The following AK9 variants were observed in gnomAD, a reference collection of about 807,000 sequenced individuals.
AK9 encodes the protein adenylate kinase domain containing 1.
AK9 carries 191 observed loss-of-function variants against 239.6 expected under a neutral mutation model. The ratio of observed to expected loss-of-function variants is 0.80; its 90% CI spans 0.71 to 0.90. The LOEUF (loss-of-function observed/expected upper bound fraction) is 0.90. AK9 is among the 40% of genes least tolerant of loss of function. AK9 has a pLI of 0.00. For missense variants in AK9, 1,995 were observed against 2,214.7 expected (o/e 0.90, Z 1.99); for synonymous variants, 689 against 721.0 (o/e 0.96, Z 0.71).
chr6:109,638,849 T>C (rs1797039767), intron 10 of AK9, among the ~76,000 whole-genome samples: 1 of 152,126 alleles, frequency 6.6e-6, no homozygotes, highest in Non-Finnish European at 1.5e-5. Context: ...CCCCGCCCTG[T>C]GTCCAAATGT....
intron 32 of AK9, among the ~76,000 whole-genome samples, chr6:109,512,343 A>G (rs1778835163): frequency 6.6e-6 from 1 of 152,190 alleles, no homozygotes; most frequent in African/African-American, 2.4e-5. Context: ...CATATCATCA[A>G]TAAATAACCA....
At chr6:109,650,755 C>A (rs1276703667) in intron 8 of AK9, among the ~76,000 whole-genome samples, 1 of 152,234 alleles carries the variant, frequency 6.6e-6, no homozygotes, top group Non-Finnish European at 1.5e-5. Context: ...GATTATAAAT[C>A]ATGCTGCTAT....
chr6:109,571,977 A>G (rs1320581908), intron 21 of AK9, among the ~76,000 whole-genome samples: 1 of 152,168 alleles, frequency 6.6e-6, no homozygotes, highest in East Asian at 1.9e-4. Context: ...TCCATCCTAG[A>G]CTTACTGAAC....
intron 17 of AK9, among the ~76,000 whole-genome samples, chr6:109,609,649 C>T (rs1008201844): frequency 6.6e-6 from 1 of 152,058 alleles, no homozygotes; most frequent in African/African-American, 2.4e-5. Context: ...AGGAAACCAC[C>T]CAATGTGTTA....
At chr6:109,604,637 T>C (rs1583219541) in intron 17 of AK9, among the ~76,000 whole-genome samples, 1 of 152,340 alleles carries the variant, frequency 6.6e-6, no homozygotes, top group Admixed American at 6.5e-5. Context: ...TACTAGTTAG[T>C]AGAGTAAGTC....
intron 17 of AK9, among the ~76,000 whole-genome samples, chr6:109,606,342 C>T (rs1268266489): frequency 1.3e-5 from 2 of 150,754 alleles, no homozygotes; most frequent in Non-Finnish European, 3.0e-5. Flanking sequence ...AGGACATGAC[C>T]CAGAGAGATG....
At chr6:109,519,343 T>A (rs1460462930) in intron 29 of AK9, among the ~76,000 whole-genome samples, 1 of 152,172 alleles carries the variant, frequency 6.6e-6, no homozygotes, top group Non-Finnish European at 1.5e-5. Flanking sequence ...AGTAATGGGA[T>A]TGTTGGGTCG....
intron 1 of AK9, among the ~76,000 whole-genome samples, chr6:109,687,162 C>A (rs1298465250): frequency 6.6e-6 from 1 of 152,178 alleles, no homozygotes; most frequent in African/African-American, 2.4e-5. Flanking sequence ...ATCTTCCTGG[C>A]AGGCAGAGCT....
At chr6:109,670,619 C>T (rs1443460033) in intron 5 of AK9, among the ~76,000 whole-genome samples, 2 of 152,038 alleles carry the variant, frequency 1.3e-5, no homozygotes, top group Non-Finnish European at 2.9e-5. Context: ...CTCCTTTTGC[C>T]AATACTTATA....
chr6:109,503,286 A>G (rs926641778), intron 35 of AK9, among the ~76,000 whole-genome samples: 20 of 152,186 alleles, frequency 1.3e-4, no homozygotes, highest in African/African-American at 4.8e-4. Context: ...TCTTTAGCTC[A>G]GATGTACTGA....
intron 12 of AK9, among the ~76,000 whole-genome samples, chr6:109,628,296 C>T (rs778473883): frequency 5.1e-4 from 77 of 152,280 alleles, no homozygotes; most frequent in Admixed American, 1.6e-3. Context: ...AAGCTCTTGG[C>T]CACACACACT....
chr6:109,622,112 A>G (rs1188408128), intron 12 of AK9, among the ~76,000 whole-genome samples: 1 of 146,878 alleles, frequency 6.8e-6, no homozygotes, highest in Non-Finnish European at 1.5e-5. Flanking sequence ...TATTTTATAC[A>G]TTATATATAA....
At chr6:109,632,299 A>G in intron 12 of AK9, 1 of 985,660 alleles carries the variant, frequency 1.0e-6, no homozygotes, top group Non-Finnish European at 1.2e-6. Context: ...ATCTTGTGCC[A>G]TTCCTTCTTG....
intron 20 of AK9, among the ~76,000 whole-genome samples, chr6:109,577,828 TCTC>T (rs1788285718): frequency 6.6e-6 from 1 of 151,558 alleles, no homozygotes; most frequent in South Asian, 2.1e-4. Context: ...GGCTGTAATA[TCTC>T]CTTCCTTCCT....
intron 27 of AK9, 57 bp downstream of exon 27, chr6:109,541,990 T>G (rs1782956972): frequency 2.2e-6 from 3 of 1,391,256 alleles, no homozygotes; most frequent in Middle Eastern, 1.9e-4. Context: ...TTTTTAACTT[T>G]TAAGAATAAA....
At chr6:109,667,317 CTCTTT>C (rs1456789548) in intron 5 of AK9, among the ~76,000 whole-genome samples, 3 of 149,412 alleles carry the variant, frequency 2.0e-5, no homozygotes, top group African/African-American at 7.4e-5. Flanking sequence ...TTTTTTAATT[CTCTTT>C]GTTATTTTAT....
intron 4 of AK9, 33 bp from the exon 5 acceptor site, chr6:109,672,048 T>TA: frequency 2.5e-6 from 4 of 1,612,380 alleles, no homozygotes; most frequent in Non-Finnish European, 3.4e-6. Flanking sequence ...TACATTACTG[T>TA]ATAATATATC....
chr6:109,493,834 A>G, intron 40 of AK9, 147 bp downstream of exon 40: 1 of 698,574 alleles, frequency 1.4e-6, no homozygotes, highest in Non-Finnish European at 2.4e-6. Flanking sequence ...TTTTATTTAA[A>G]ATATTTGCCC....
chr6:109,627,696 C>T (rs1471289109), intron 12 of AK9, among the ~76,000 whole-genome samples: 2 of 152,038 alleles, frequency 1.3e-5, no homozygotes, highest in Non-Finnish European at 2.9e-5. Flanking sequence ...CTCCTTGTCA[C>T]CCAGGCTGGA....
Sources: allele counts gnomAD v4.1 joint callset (sites outside exome capture counted in the v4.1 genomes callset), GRCh38; gene constraint gnomAD v4.1.1; transcripts MANE v1.5; gene names NCBI Gene and HGNC (gene_info 2026-07-23, HGNC 2026-07-21).